Variants in PSD3 observed in about 807,000 individuals in gnomAD.
PSD3 encodes the protein pleckstrin and Sec7 domain containing 3, also known as PH and SEC7 domain-containing protein 3.
Under a neutral mutation model 105.5 loss-of-function variants are expected in PSD3, and 49 were observed. The ratio of observed to expected loss-of-function variants is 0.46; its 90% CI spans 0.37 to 0.59. PSD3 has a LOEUF of 0.59. PSD3 is among the 20% of genes least tolerant of loss of function. The pLI, the probability that PSD3 is intolerant of heterozygous loss-of-function variation, is 0.00. For missense variants in PSD3, 1,561 were observed against 1,263.8 expected, an observed-to-expected ratio of 1.24 and a Z score of -3.57; for synonymous variants, 557 against 457.8, an observed-to-expected ratio of 1.22 and a Z score of -2.77.
At chr8:18,765,653 G>T in intron 8 of PSD3, 115 bp from the exon 9 acceptor site, 5 of 917,592 alleles carry the variant, frequency 5.4e-6, no homozygotes, top group South Asian at 4.3e-5. Flanking sequence ...TAGGCCAGGT[G>T]CGGTGGCTCA....
intron 1 of PSD3, among the ~76,000 whole-genome samples, chr8:19,030,213 A>G (rs1279689108): frequency 6.6e-6 from 1 of 152,200 alleles, no homozygotes; most frequent in African/African-American, 2.4e-5. Flanking sequence ...CTGTTTCTGC[A>G]TCTTTTGAGA....
intron 8 of PSD3, among the ~76,000 whole-genome samples, chr8:18,778,791 T>C (rs893067090): frequency 1.3e-5 from 2 of 152,128 alleles, no homozygotes; most frequent in Non-Finnish European, 2.9e-5. Context: ...CATCCTACCA[T>C]CCCTGGAATA....
At chr8:18,960,940 G>C (rs75502491) in intron 1 of PSD3, among the ~76,000 whole-genome samples, 2,298 of 151,970 alleles carry the variant, frequency 0.015, 62 homozygotes, top group African/African-American at 0.053. Context: ...ACAAAAACTA[G>C]GCTGTTGTGG....
At chr8:18,658,852 C>T (rs910103274) in intron 9 of PSD3, among the ~76,000 whole-genome samples, 9 of 152,134 alleles carry the variant, frequency 5.9e-5, no homozygotes, top group Non-Finnish European at 1.3e-4. Context: ...AGGAATTTCT[C>T]TCTCATCTCA....
At chr8:18,819,265 G>C (rs2638635) in intron 4 of PSD3, among the ~76,000 whole-genome samples, 126,952 of 152,048 alleles carry the variant, frequency 0.83, 53,554 homozygotes, top group East Asian at 0.91. Context: ...ATTTTTCAAG[G>C]AAACTAAAAA....
chr8:18,808,174 A>G (rs1267741151), intron 4 of PSD3, among the ~76,000 whole-genome samples: 1 of 152,224 alleles, frequency 6.6e-6, no homozygotes, highest in Non-Finnish European at 1.5e-5. Flanking sequence ...ACTTTTTATA[A>G]TTATACAAAA....
chr8:18,740,380 T>G (rs1804472359), intron 9 of PSD3, among the ~76,000 whole-genome samples: 1 of 152,194 alleles, frequency 6.6e-6, no homozygotes, highest in East Asian at 1.9e-4. Context: ...TTCTGACAGC[T>G]TGCAGTGACC....
intron 1 of PSD3, among the ~76,000 whole-genome samples, chr8:18,974,714 G>C (rs1276799534): frequency 6.6e-6 from 1 of 151,910 alleles, no homozygotes; most frequent in African/African-American, 2.4e-5. Flanking sequence ...AGGGGAACAG[G>C]GGTGGAGGGT....
intron 15 of PSD3, among the ~76,000 whole-genome samples, chr8:18,552,809 A>G (rs1201947951): frequency 6.6e-6 from 1 of 152,218 alleles, no homozygotes. Context: ...CACAGCTTGG[A>G]GGTTACCAAT....
intron 2 of PSD3, among the ~76,000 whole-genome samples, chr8:18,884,536 T>A (rs962781210): frequency 5.3e-5 from 8 of 152,264 alleles, no homozygotes; most frequent in African/African-American, 1.9e-4. Flanking sequence ...TGAAGAAAAC[T>A]ACGGTATGTA....
rs536761112 is a variant in PSD3 at position 18,655,625 on chromosome 8, A to G, written c.2216+17T>C. ...TGAGTAGTTCATTATTAAAAGGCTG[A>G]CGTCCAGCACACTTACACTGCCCAT... is the stretch of plus-strand genomic sequence containing the variant. On this transcript the variant is annotated intron_variant, in intron 10 of 15. Transcript: ENST00000327040. 4 of 1,612,332 alleles carry G rather than the reference A, an allele frequency of 2.5e-6. No homozygotes were observed. Among genetic ancestry groups the G allele is most frequent in the East Asian group, 2.2e-5 (1 of 44,856 alleles).
chr8:19,009,921 C>G (rs1001486784), intron 1 of PSD3, among the ~76,000 whole-genome samples: 20 of 152,096 alleles, frequency 1.3e-4, no homozygotes, highest in African/African-American at 4.8e-4. Context: ...CAGGACTTAA[C>G]AAGAAACTTA....
At chr8:18,823,099 A>G (rs373206150) in intron 4 of PSD3, among the ~76,000 whole-genome samples, 5 of 4,316 alleles carry the variant, frequency 1.2e-3, no homozygotes, top group African/African-American at 1.3e-3. Context: ...GAGAGACAGG[A>G]AAAAAAAAAA....
In PSD3 at chr8:18,717,128, G is replaced by GT. The variant is rs1360701854; in HGVS notation, c.2172+48320dup. ...CAACCTATTTTAAACAGTCTTAAAG[G>GT]TTTTTTTGTTCCCGTCTCCAATATG... On this transcript the variant is annotated intron_variant, in intron 9 of 15. Coordinates refer to ENST00000327040, the MANE Select transcript of PSD3 (RefSeq NM_015310.4). Among the ~76,000 whole-genome samples the GT allele has an allele frequency of 2.6e-4, 40 of 152,084 alleles. 1 individual carries two copies. The highest frequency in any genetic ancestry group is 5.9e-5 in the Non-Finnish European group (4 of 67,998).
chr8:18,966,863 TAAATGATACCTA>T (rs1390950794), intron 1 of PSD3, among the ~76,000 whole-genome samples: 7 of 152,174 alleles, frequency 4.6e-5, no homozygotes, highest in Admixed American at 4.6e-4. Context: ...AGTCTTAAAA[TAAATGATACCTA>T]AAAGCATGCT....
intron 15 of PSD3, 95 bp from the exon 16 acceptor site, chr8:18,536,053 T>C (rs1054582767): frequency 1.1e-5 from 14 of 1,235,386 alleles, no homozygotes; most frequent in African/African-American, 5.9e-5. Context: ...AGAGTGTGAA[T>C]GGCTGTTGAA....
chr8:18,881,970 G>C (rs1453087539), intron 2 of PSD3, among the ~76,000 whole-genome samples: 1 of 152,180 alleles, frequency 6.6e-6, no homozygotes, highest in African/African-American at 2.4e-5. Context: ...CCCTTTGGGA[G>C]CTTGAGGCAG....
At chr8:18,639,964 T>C (rs1412732365) in intron 10 of PSD3, among the ~76,000 whole-genome samples, 1 of 152,148 alleles carries the variant, frequency 6.6e-6, no homozygotes, top group East Asian at 1.9e-4. Context: ...CCTCCTCATA[T>C]GTAAAATTTG....
intron 1 of PSD3, among the ~76,000 whole-genome samples, chr8:19,061,530 A>C (rs1229077183): frequency 6.6e-6 from 1 of 151,908 alleles, no homozygotes; most frequent in East Asian, 1.9e-4. Flanking sequence ...CTTCCCGGCC[A>C]GGTGCGGAGG....
Sources: gnomAD v4.1 joint callset for allele counts (sites outside exome capture counted in the v4.1 genomes callset) on GRCh38, gnomAD v4.1.1 for gene constraint, MANE v1.5 for transcripts, NCBI Gene and HGNC (gene_info 2026-07-23, HGNC 2026-07-21) for gene names.